CUL5: variants seen among roughly 807,000 people sequenced by gnomAD.
CUL5 encodes cullin-5.
CUL5 carries 26 observed loss-of-function variants against 108.8 expected under a neutral mutation model. That is an observed-to-expected ratio of 0.24 (90% CI 0.18 to 0.33). CUL5 has a LOEUF of 0.33. Among genes scored for constraint, CUL5 ranks in the 10% least tolerant of loss-of-function variants. The pLI is 1.00. For missense variants in CUL5, 524 were observed against 909.2 expected (o/e 0.58, Z 5.45); for synonymous variants, 334 against 298.0 (o/e 1.12, Z -1.25).
In CUL5 at chr11:108,104,474, G is replaced by A; in HGVS notation, c.*90G>A. 1.3e-6 allele frequency: 1 copy of A among 767,450 alleles called. No individual in the cohort carries two copies. The highest frequency in any genetic ancestry group is 3.0e-5 in the Admixed American group (1 of 33,754). 47.5% of individuals were successfully genotyped at this position (767,450 alleles called of 1,614,324 possible). A position where few individuals can be genotyped will look rare whatever the true frequency, so the allele number is the denominator to read the frequency against. ...GTTTGTGCTGGAGAAAGGTTTATTT[G>A]GACTTTGATTACATAAATATTAAAA... On this transcript the variant is annotated 3_prime_UTR_variant, in exon 19 of 19. Transcript: ENST00000393094.
intron 7 of CUL5, among the ~76,000 whole-genome samples, chr11:108,056,893 G>A (rs1863393350): frequency 6.6e-6 from 1 of 152,122 alleles, no homozygotes; most frequent in Non-Finnish European, 1.5e-5. Context: ...AATGTTCTGA[G>A]GTTTCAGCCA....
At chr11:108,029,801 T>A (rs1352379262) in intron 1 of CUL5, among the ~76,000 whole-genome samples, 1 of 152,238 alleles carries the variant, frequency 6.6e-6, no homozygotes, top group Non-Finnish European at 1.5e-5. Flanking sequence ...TACTTAACAA[T>A]GTCTATTAGG....
intron 7 of CUL5, among the ~76,000 whole-genome samples, chr11:108,062,474 A>G (rs1863560849): frequency 6.6e-6 from 1 of 150,912 alleles, no homozygotes; most frequent in Non-Finnish European, 1.5e-5. Flanking sequence ...ATTTTAAAAT[A>G]TTTTTTGTGT....
rs1453667545 is a variant in CUL5 at position 108,096,500 on chromosome 11, T to TA, written c.1905+815dup. On this transcript the variant is annotated intron_variant, in intron 16 of 18. Coordinates refer to ENST00000393094, the MANE Select transcript of CUL5 (RefSeq NM_003478.6). ...GACCCATCTCAAAAATTTTTTTTTT[T>TA]AAAAAAGAGAAAGATTGAGTTGGTA... is the stretch of plus-strand genomic sequence containing the variant. 6.0e-5 allele frequency among the ~76,000 whole-genome samples: 9 copies of TA among 148,794 alleles called. No homozygotes were observed. The South Asian group carries it at 8.5e-4, about 14-fold the overall frequency.
At chr11:108,043,957 A>T (rs147572093) in intron 2 of CUL5, among the ~76,000 whole-genome samples, 37 of 152,318 alleles carry the variant, frequency 2.4e-4, no homozygotes, top group African/African-American at 8.4e-4. Flanking sequence ...CAGGAGGCGG[A>T]GGTTGCAGTG....
intron 7 of CUL5, among the ~76,000 whole-genome samples, chr11:108,066,191 A>C (rs1863672450): frequency 6.6e-6 from 1 of 152,092 alleles, no homozygotes; most frequent in African/African-American, 2.4e-5. Context: ...ATACAAAAAC[A>C]AACTTAGCCA....
chr11:108,022,442 C>A (rs1862349537), intron 1 of CUL5, among the ~76,000 whole-genome samples: 1 of 152,078 alleles, frequency 6.6e-6, no homozygotes, highest in South Asian at 2.1e-4. Flanking sequence ...TTACTCATGA[C>A]CTAGTAAAGT....
intron 17 of CUL5, 82 bp downstream of exon 17, chr11:108,097,836 T>TA (rs1864537161): frequency 2.7e-6 from 2 of 738,216 alleles, no homozygotes; most frequent in East Asian, 5.0e-5. Context: ...TTGTTTTCCT[T>TA]ACATTATATT....
intron 16 of CUL5, 57 bp downstream of exon 16, chr11:108,095,748 A>G: frequency 7.1e-7 from 1 of 1,408,124 alleles, no homozygotes; most frequent in Non-Finnish European, 9.8e-7. Context: ...CAGGAAATAT[A>G]TGATTGGCTT....
In CUL5 at chr11:108,080,428, G is replaced by A. The variant is rs1426958194; in HGVS notation, c.1178+2188G>A. On this transcript the variant is annotated intron_variant, in intron 11 of 18. Transcript: ENST00000393094. Reference sequence around the variant, plus strand: ...TTTTGGTTGTTTGAGACGGGGCCTTGCTCTATCTCCAGGCTGGAGTGCAGT... The same window carrying A: ...TTTTGGTTGTTTGAGACGGGGCCTTACTCTATCTCCAGGCTGGAGTGCAGT... 2.6e-5 allele frequency among the ~76,000 whole-genome samples: 4 copies of A among 151,676 alleles called. No homozygotes were observed. In the East Asian group the frequency reaches 7.7e-4, roughly 29 times the overall value.
rs536581160 is a variant in CUL5, at chr11:108,031,351, C to T, written c.25-2451C>T. Among the ~76,000 whole-genome samples the T allele has an allele frequency of 9.6e-5, 11 of 114,086 alleles. No homozygotes were observed. The East Asian group carries it at 1.0e-3, about 11-fold the overall frequency. The allele number at this position is 114,086 out of a possible 152,430, so 74.8% of individuals were successfully genotyped here. A position where few individuals can be genotyped will look rare whatever the true frequency, so the allele number is the denominator to read the frequency against. ...CTGCACTCCAGCCTGGGCAACAGAA[C>T]GAGACTCTGTCTCAAAAAAAAAAAA... On this transcript the variant is annotated intron_variant, in intron 1 of 18. Coordinates refer to ENST00000393094, the MANE Select transcript of CUL5 (RefSeq NM_003478.6).
chr11:108,069,429 C>G (rs1863768082), intron 7 of CUL5, among the ~76,000 whole-genome samples: 1 of 152,120 alleles, frequency 6.6e-6, no homozygotes, highest in Admixed American at 6.5e-5. Flanking sequence ...TCCTGGTATT[C>G]CTAGAATACG....
chr11:108,101,988 C>T (rs2135252968), intron 18 of CUL5, among the ~76,000 whole-genome samples: 1 of 152,154 alleles, frequency 6.6e-6, no homozygotes, highest in South Asian at 2.1e-4. Context: ...TTCACTTGAC[C>T]TTCTGGTGTC....
At chr11:108,101,685 C>T (rs1293047672) in intron 18 of CUL5, among the ~76,000 whole-genome samples, 1 of 152,176 alleles carries the variant, frequency 6.6e-6, no homozygotes, top group Admixed American at 6.5e-5. Context: ...AGATTATTTC[C>T]CTCATACTGT....
At chr11:108,087,530 C>T (rs781093690) in intron 11 of CUL5, among the ~76,000 whole-genome samples, 26 of 152,194 alleles carry the variant, frequency 1.7e-4, no homozygotes, top group Non-Finnish European at 3.7e-4. Context: ...GTGGCATGCA[C>T]CTGTAGTCCC....
At chr11:108,031,175 C>G (rs1862571628) in intron 1 of CUL5, among the ~76,000 whole-genome samples, 1 of 151,996 alleles carries the variant, frequency 6.6e-6, no homozygotes, top group African/African-American at 2.4e-5. Context: ...CGAGACCAGC[C>G]TGGGCAACAT....
chr11:108,078,109 G>A, intron 10 of CUL5, 67 bp from the exon 11 acceptor site: 2 of 890,124 alleles, frequency 2.2e-6, no homozygotes, highest in Non-Finnish European at 3.5e-6. Flanking sequence ...TGTGTTTTGG[G>A]ATGTATAAAA....
rs1337066942 is a variant in CUL5 at position 108,106,077 on chromosome 11, A to G, written c.*1693A>G. On this transcript the variant is annotated 3_prime_UTR_variant, in exon 19 of 19. Coordinates refer to ENST00000393094, the MANE Select transcript of CUL5 (RefSeq NM_003478.6). Reference sequence around the variant, plus strand: ...GTAGCAAATGTCAATTATTAGACCGAGCATATTGTGAAGAATTAAACTAAA... The same window carrying G: ...GTAGCAAATGTCAATTATTAGACCGGGCATATTGTGAAGAATTAAACTAAA... The G allele has an allele frequency of 2.0e-5, 3 of 152,182 alleles. No homozygotes were observed. The highest frequency in any genetic ancestry group is 7.2e-5 in the African/African-American group (3 of 41,456). The allele number at this position is 152,182 out of a possible 1,614,324, so 9.4% of individuals were successfully genotyped here.
At chr11:108,074,720 T>A (rs1444989249) in intron 10 of CUL5, among the ~76,000 whole-genome samples, 3 of 151,962 alleles carry the variant, frequency 2.0e-5, no homozygotes, top group Admixed American at 6.6e-5. Flanking sequence ...GCAGGAGAAT[T>A]GCTTGAACCC....
Sources: gnomAD v4.1 joint callset for allele counts (sites outside exome capture counted in the v4.1 genomes callset) on GRCh38, gnomAD v4.1.1 for gene constraint, MANE v1.5 for transcripts, NCBI Gene and HGNC (gene_info 2026-07-23, HGNC 2026-07-21) for gene names.